Variants in KIAA1328 observed in about 807,000 individuals in gnomAD.
KIAA1328 encodes the protein protein hinderin.
KIAA1328 carries 52 observed loss-of-function variants against 68.1 expected under a neutral mutation model. The ratio of observed to expected loss-of-function variants is 0.76; its 90% confidence interval spans 0.61 to 0.96. The LOEUF is 0.96. Ranked by LOEUF, KIAA1328 falls within the 40% of genes least tolerant of loss-of-function variation. The probability of loss-of-function intolerance (pLI) is 0.00; values close to 1 mark genes in which losing one functional copy is unlikely to be tolerated. For synonymous variants in KIAA1328, 232 were observed against 239.4 expected, an observed-to-expected ratio of 0.97 and a Z score of 0.28; for missense variants, 641 against 677.6, an observed-to-expected ratio of 0.95 and a Z score of 0.60.
chr18:36,869,411 C>T (rs1263192318), intron 4 of KIAA1328, among the ~76,000 whole-genome samples: 2 of 151,998 alleles, frequency 1.3e-5, no homozygotes, highest in Non-Finnish European at 2.9e-5. Flanking sequence ...TGTGACCTTG[C>T]TAGATCTACT....
At position 37,067,567 on chromosome 18, in the gene KIAA1328, T is replaced by TC. The variant is rs2056387200; in HGVS notation, c.1232+22_1232+23insC. On this transcript the variant is annotated intron_variant, in intron 7 of 9. Transcript: ENST00000280020. ...ATTGGTGAGTACTGCCTGTTCTTTT[T>TC]TTTTTTTTTTTGAGACGAAATCTCG... 2.1e-6 allele frequency: 3 copies of TC among 1,443,226 alleles called. No individual in the cohort carries two copies. In the East Asian group the frequency reaches 7.5e-5, roughly 36 times the overall value. The allele number at this position is 1,443,226 out of a possible 1,614,324, so 89.4% of individuals were successfully genotyped here.
chr18:37,095,227 A>G (rs992185078), intron 7 of KIAA1328, among the ~76,000 whole-genome samples: 1 of 152,224 alleles, frequency 6.6e-6, no homozygotes, highest in Non-Finnish European at 1.5e-5. Flanking sequence ...TATAAACCAT[A>G]TGGACATAAA....
chr18:36,926,421 T>TTTATTTA (rs1249478864), intron 5 of KIAA1328, among the ~76,000 whole-genome samples: 1 of 143,780 alleles, frequency 7.0e-6, no homozygotes, highest in African/African-American at 2.7e-5. Flanking sequence ...TTATTTATTT[T>TTTATTTA]TGGAAAGAAC....
chr18:37,139,282 A>ACTT (rs1396613835), intron 7 of KIAA1328, among the ~76,000 whole-genome samples: 1 of 152,122 alleles, frequency 6.6e-6, no homozygotes, highest in African/African-American at 2.4e-5. Flanking sequence ...TTCTTTAAAC[A>ACTT]CTTCGGTCTC....
intron 7 of KIAA1328, among the ~76,000 whole-genome samples, chr18:37,138,639 C>A (rs187808198): frequency 7.9e-5 from 12 of 152,150 alleles, no homozygotes; most frequent in Non-Finnish European, 1.8e-4. Flanking sequence ...CGCCCCCATT[C>A]TCCTCTTCTT....
chr18:37,133,496 C>A (rs1473256304), intron 7 of KIAA1328, among the ~76,000 whole-genome samples: 4 of 151,386 alleles, frequency 2.6e-5, no homozygotes, highest in Non-Finnish European at 5.9e-5. Context: ...ACTATATACA[C>A]CCCCAAAAGT....
intron 6 of KIAA1328, among the ~76,000 whole-genome samples, chr18:37,048,869 G>A (rs890772681): frequency 6.6e-6 from 1 of 152,120 alleles, no homozygotes; most frequent in Non-Finnish European, 1.5e-5. Flanking sequence ...AGTCCATTTA[G>A]CTGTTGCTGC....
intron 7 of KIAA1328, among the ~76,000 whole-genome samples, chr18:37,120,779 G>T (rs1314769320): frequency 6.6e-6 from 1 of 152,126 alleles, no homozygotes; most frequent in Non-Finnish European, 1.5e-5. Flanking sequence ...GTGCAAGCAG[G>T]TGTCTTTCAG....
At chr18:37,004,578 A>C (rs1285331249) in intron 6 of KIAA1328, among the ~76,000 whole-genome samples, 1 of 152,124 alleles carries the variant, frequency 6.6e-6, no homozygotes, top group African/African-American at 2.4e-5. Flanking sequence ...CTCCTGCAAG[A>C]ATGACCGTAA....
At chr18:36,915,834 A>G (rs1255657849) in intron 5 of KIAA1328, among the ~76,000 whole-genome samples, 1 of 152,194 alleles carries the variant, frequency 6.6e-6, no homozygotes, top group African/African-American at 2.4e-5. Flanking sequence ...CTAGGCATTC[A>G]TCCTACAGAA....
rs531527439 is a variant in KIAA1328, at chr18:37,133,574, G to A, written c.1233-26626G>A. ...GGAGTCTCGCTCTGTCGCCCAGGCT[G>A]GAGTGCAGTGGCCCGATCTCTGCTC... On this transcript the variant is annotated intron_variant, in intron 7 of 9. Transcript: ENST00000280020. Among the ~76,000 whole-genome samples the A allele has an allele frequency of 2.0e-4, 29 of 142,412 alleles. No homozygotes were observed. In the East Asian group the frequency reaches 6.0e-3, roughly 29 times the overall value. 93.4% of individuals were successfully genotyped at this position (142,412 alleles called of 152,430 possible). A position where few individuals can be genotyped will look rare whatever the true frequency, so the allele number is the denominator to read the frequency against.
chr18:37,202,266 A>G (rs900879503), intron 9 of KIAA1328, among the ~76,000 whole-genome samples: 1 of 152,220 alleles, frequency 6.6e-6, no homozygotes, highest in Non-Finnish European at 1.5e-5. Flanking sequence ...AAAGGTTATA[A>G]CAAAATTATT....
At chr18:36,832,161 A>C (rs1478094818) in intron 1 of KIAA1328, among the ~76,000 whole-genome samples, 1 of 152,202 alleles carries the variant, frequency 6.6e-6, no homozygotes, top group Non-Finnish European at 1.5e-5. Context: ...TAATATAATG[A>C]GATGAAAATA....
At chr18:37,194,822 A>T (rs2059973175) in intron 9 of KIAA1328, among the ~76,000 whole-genome samples, 1 of 151,998 alleles carries the variant, frequency 6.6e-6, no homozygotes, top group Admixed American at 6.6e-5. Context: ...CACCACGCCC[A>T]GCTAATTTTT....
chr18:36,891,428 G>A (rs1381353214), intron 5 of KIAA1328, among the ~76,000 whole-genome samples: 1 of 152,158 alleles, frequency 6.6e-6, no homozygotes, highest in Non-Finnish European at 1.5e-5. Context: ...ATTGTACCCA[G>A]TATGTAGTCT....
chr18:36,963,400 A>G (rs2051779849), intron 6 of KIAA1328, among the ~76,000 whole-genome samples: 1 of 152,186 alleles, frequency 6.6e-6, no homozygotes, highest in Non-Finnish European at 1.5e-5. Flanking sequence ...GGGAAGGGAG[A>G]TGGAGCAATC....
intron 7 of KIAA1328, chr18:37,084,106 T>C (rs778933958): frequency 1.8e-4 from 255 of 1,410,342 alleles, no homozygotes; most frequent in Non-Finnish European, 2.2e-4. Context: ...TTAGAAATTT[T>C]TTAAATTAAT....
chr18:37,109,244 G>C (rs908002054), intron 7 of KIAA1328, among the ~76,000 whole-genome samples: 1 of 152,130 alleles, frequency 6.6e-6, no homozygotes, highest in South Asian at 2.1e-4. Context: ...AACATATGCA[G>C]ACACTGGTTT....
downstream of KIAA1328, among the ~76,000 whole-genome samples, chr18:37,226,626 C>G (rs1212395449): frequency 6.6e-6 from 1 of 151,778 alleles, no homozygotes; most frequent in Admixed American, 6.6e-5. Context: ...ATACATGGTT[C>G]CTTTTGATTG....
Sources: gnomAD v4.1 joint callset for allele counts (sites outside exome capture counted in the v4.1 genomes callset) on GRCh38, gnomAD v4.1.1 for gene constraint, MANE v1.5 for transcripts, NCBI Gene and HGNC (gene_info 2026-07-23, HGNC 2026-07-21) for gene names.